Variants in INSC observed in about 807,000 individuals in gnomAD.
INSC encodes protein inscuteable homolog.
Under a neutral mutation model 58.6 loss-of-function variants are expected in INSC, and 67 were observed. The observed-to-expected ratio is 1.14, with a 90% confidence interval of 0.94 to 1.40. The LOEUF is 1.40. INSC is among the 40% of genes most tolerant of loss of function. The probability of loss-of-function intolerance (pLI) is 0.00; values close to 1 mark genes in which losing one functional copy is unlikely to be tolerated. For synonymous variants in INSC, 262 were observed against 276.1 expected, an observed-to-expected ratio of 0.95 and a Z score of 0.51; for missense variants, 714 against 692.0, an observed-to-expected ratio of 1.03 and a Z score of -0.36.
chr11:15,227,716 C>G (rs1349616112), intron 9 of INSC, among the ~76,000 whole-genome samples: 3 of 152,178 alleles, frequency 2.0e-5, no homozygotes, highest in Non-Finnish European at 4.4e-5. Context: ...CATAGACATA[C>G]CCTTGGTAGT....
chr11:15,174,941 A>G (rs1440143724), intron 2 of INSC, among the ~76,000 whole-genome samples: 1 of 152,190 alleles, frequency 6.6e-6, no homozygotes, highest in Non-Finnish European at 1.5e-5. Flanking sequence ...GATATTACTG[A>G]CTTTTACTTG....
intron 1 of INSC, among the ~76,000 whole-genome samples, chr11:15,137,639 T>G (rs1383527295): frequency 6.6e-6 from 1 of 152,200 alleles, no homozygotes. Flanking sequence ...ACTTTTCTCC[T>G]GTAGTTTCCT....
intron 9 of INSC, among the ~76,000 whole-genome samples, chr11:15,230,001 ATATATATATATAATATAT>A: frequency 7.9e-5 from 2 of 25,306 alleles, no homozygotes; most frequent in African/African-American, 3.3e-4. Context: ...ATATATATAT[ATATATATATATAATATAT>A]ATATATATAT....
At position 15,225,786 on chromosome 11, in the gene INSC, C is replaced by T. The variant is rs1006330476; in HGVS notation, c.1128C>T (p.Cys376=). The T allele has an allele frequency of 3.1e-6, 5 of 1,613,694 alleles. No homozygotes were observed. Among genetic ancestry groups the T allele is most frequent in the Non-Finnish European group, 4.2e-6 (5 of 1,179,832 alleles). Residue 376 remains cysteine, a synonymous_variant, in exon 9 of 13, where the codon TGC becomes TGT. Coordinates refer to ENST00000379556, the MANE Select transcript of INSC (RefSeq NM_001042536.3). ...LNAIRVLLEA[C]SDKQRVDTPY... is the part of the protein sequence containing the mutation. ...CCATCCGTGTTCTCCTGGAAGCCTGCAGTGACAAGCAGAGAGTGGACACGC... is the reference window on the plus strand; with the variant it reads ...CCATCCGTGTTCTCCTGGAAGCCTGTAGTGACAAGCAGAGAGTGGACACGC...
At chr11:15,203,229 A>G (rs1346037494) in intron 7 of INSC, among the ~76,000 whole-genome samples, 3 of 152,206 alleles carry the variant, frequency 2.0e-5, no homozygotes, top group African/African-American at 7.2e-5. Context: ...CTCTGAGAGC[A>G]CTGAAAAGGT....
In INSC at chr11:15,238,917, A is replaced by AG; in HGVS notation, c.1240dup. 6.2e-7 allele frequency: 1 copy of AG among 1,613,480 alleles called. No homozygotes were observed. Among genetic ancestry groups the AG allele is most frequent in the Non-Finnish European group, 8.5e-7 (1 of 1,179,610 alleles). On this transcript the variant is annotated splice_acceptor_variant, in intron 10 of 12. Transcript: ENST00000379556. LOFTEE classifies it high-confidence loss of function. ...ACCAACTGTTCCTTGCTTCCTGCCTAGGGGTCCAGCTTATCATGGGCATGC... is the reference window on the plus strand; with the variant it reads ...ACCAACTGTTCCTTGCTTCCTGCCTAGGGGGTCCAGCTTATCATGGGCATGC...
At chr11:15,234,344 T>G (rs556577978) in intron 9 of INSC, among the ~76,000 whole-genome samples, 1 of 152,372 alleles carries the variant, frequency 6.6e-6, no homozygotes, top group African/African-American at 2.4e-5. Context: ...GATATTCTAT[T>G]AATATGGTAA....
chr11:15,154,117 G>C (rs889855174), intron 2 of INSC, among the ~76,000 whole-genome samples: 1 of 152,188 alleles, frequency 6.6e-6, no homozygotes, highest in African/African-American at 2.4e-5. Flanking sequence ...TTCTGCTCAA[G>C]GATAAATGTT....
rs548676845 is a variant in INSC, at chr11:15,127,670, T to A, written c.-46+12667T>A. 1.3e-4 allele frequency among the ~76,000 whole-genome samples: 20 copies of A among 152,294 alleles called. 1 individual carries two copies. In the South Asian group the frequency reaches 4.1e-3, roughly 32 times the overall value. On this transcript the variant is annotated intron_variant, in intron 1 of 12. Transcript: ENST00000379556. ...ATTGCGTTCCATGTTCCTCAGAGAA[T>A]ATCCTGGGGAGGCAGTGGTGTTTTC... is the stretch of plus-strand genomic sequence containing the variant.
the INSC span, among the ~76,000 whole-genome samples, chr11:15,258,551 C>T: frequency 1.3e-5 from 2 of 152,174 alleles, no homozygotes; most frequent in South Asian, 4.1e-4. Context: ...AAAGCTCCTA[C>T]AATATCCTGT....
chr11:15,161,804 C>T (rs1332184951), intron 2 of INSC, among the ~76,000 whole-genome samples: 1 of 152,154 alleles, frequency 6.6e-6, no homozygotes, highest in Non-Finnish European at 1.5e-5. Flanking sequence ...AGATCAGAAG[C>T]AGAGAAATGA....
chr11:15,239,013 A>C lies in INSC; in HGVS notation c.1332A>C (p.Ala444=), dbSNP rs1166809322. The C allele has an allele frequency of 1.2e-6, 2 of 1,614,224 alleles. No individual in the cohort carries two copies. The highest frequency in any genetic ancestry group is 2.2e-5 in the South Asian group (2 of 91,090). ...GTGAGCGAGTCCAGCAGAAAGCTGC[A>C]GTGACCCTGGCTCGTCTCAGCCGAG... The part of the protein sequence containing the change: ...AACERVQQKA[A]VTLARLSRDP... Residue 444 remains alanine, a synonymous_variant, in exon 11 of 13, where the codon GCA becomes GCC. Coordinates refer to ENST00000379556, the MANE Select transcript of INSC (RefSeq NM_001042536.3).
chr11:15,164,052 T>C (rs1849108782), intron 2 of INSC, among the ~76,000 whole-genome samples: 2 of 152,214 alleles, frequency 1.3e-5, no homozygotes, highest in Non-Finnish European at 2.9e-5. Flanking sequence ...ATTTCCTTTC[T>C]GATAATTTAT....
intron 5 of INSC, among the ~76,000 whole-genome samples, chr11:15,185,500 A>G (rs1240080328): frequency 6.6e-6 from 1 of 152,156 alleles, no homozygotes; most frequent in Non-Finnish European, 1.5e-5. Context: ...TTGGGCTGAT[A>G]ATAATCCTCA....
chr11:15,247,753 A>C (rs1852606618), downstream of INSC, among the ~76,000 whole-genome samples: 1 of 148,480 alleles, frequency 6.7e-6, no homozygotes, highest in Non-Finnish European at 1.5e-5. Flanking sequence ...ATATATATAT[A>C]TATTTCACTG....
At chr11:15,242,543 C>T (rs1852396219) in intron 12 of INSC, among the ~76,000 whole-genome samples, 1 of 152,186 alleles carries the variant, frequency 6.6e-6, no homozygotes, top group Non-Finnish European at 1.5e-5. Flanking sequence ...CGGCCCTTCT[C>T]AGTCTGGCTC....
chr11:15,188,135 T>C, intron 5 of INSC: 2 of 967,922 alleles, frequency 2.1e-6, no homozygotes, highest in Non-Finnish European at 2.5e-6. Context: ...TTAGGGGAAG[T>C]GTGGCCTTGG....
chr11:15,201,860 C>G (rs1236395455), intron 7 of INSC, among the ~76,000 whole-genome samples: 3 of 152,212 alleles, frequency 2.0e-5, no homozygotes, highest in Admixed American at 6.5e-5. Context: ...GCAAACTGCT[C>G]TCTGTCCTCT....
chr11:15,239,567 A>C (rs778569835), intron 11 of INSC, among the ~76,000 whole-genome samples: 3 of 152,044 alleles, frequency 2.0e-5, no homozygotes, highest in Admixed American at 1.3e-4. Flanking sequence ...CAGAGCACCC[A>C]CCCTATGCTA....
Sources: allele counts gnomAD v4.1 joint callset (sites outside exome capture counted in the v4.1 genomes callset), GRCh38; gene constraint gnomAD v4.1.1; transcripts MANE v1.5; gene names NCBI Gene and HGNC (gene_info 2026-07-23, HGNC 2026-07-21).